Variants in LONP1 observed in about 807,000 individuals in gnomAD.
LONP1 encodes the protein lon protease homolog, mitochondrial.
In LONP1, 31 loss-of-function variants were observed where a neutral mutation model predicts 98.5. The ratio of observed to expected loss-of-function variants is 0.31; its 90% confidence interval spans 0.24 to 0.42. The LOEUF (loss-of-function observed/expected upper bound fraction) is 0.42, where lower values mean the gene tolerates loss of function less well. LONP1 is among the 20% of genes least tolerant of loss of function. The pLI is 1.00. For missense variants in LONP1, 1,336 were observed against 1,350.6 expected (o/e 0.99, Z 0.17); for synonymous variants, 781 against 594.7 (o/e 1.31, Z -4.56).
Position 5,720,137 on chromosome 19 carries a change from C to T in LONP1, c.-5G>A, listed in dbSNP as rs1406712681. The T allele has an allele frequency of 2.8e-6, 4 of 1,404,658 alleles. No homozygotes were observed. The highest frequency in any genetic ancestry group is 1.5e-5 in the South Asian group (1 of 65,510). 87.0% of individuals were successfully genotyped at this position (1,404,658 alleles called of 1,614,324 possible). On this transcript the variant is annotated 5_prime_UTR_variant, in exon 1 of 18. Coordinates refer to ENST00000360614, the MANE Select transcript of LONP1 (RefSeq NM_004793.4). ...GTAGCCAGTGCTCGCCGCCATAGCCCGGCCATACTGGCGGCTCACACAACT... is the reference window on the plus strand; with the variant it reads ...GTAGCCAGTGCTCGCCGCCATAGCCTGGCCATACTGGCGGCTCACACAACT...
Position 5,693,600 on chromosome 19 carries a change from G to T in LONP1, c.2490C>A (p.Pro830=), listed in dbSNP as rs772925690. 3 of 1,614,096 alleles carry T rather than the reference G, an allele frequency of 1.9e-6. No homozygotes were observed. The South Asian group carries it at 3.3e-5, about 18-fold the overall frequency. ...GTGAGGTCACCAGGTAGTCATTGGCGGGGGCGTGCTGCATGAGGAAGGCTC... is the reference window on the plus strand; with the variant it reads ...GTGAGGTCACCAGGTAGTCATTGGCTGGGGCGTGCTGCATGAGGAAGGCTC... The part of the protein sequence containing the change: ...FARAFLMQHA[P]ANDYLVTSHI... The change falls in exon 16 of 18, where the codon CCC becomes CCA. Residue 830 remains proline (P), a synonymous_variant. Coordinates refer to ENST00000360614, the MANE Select transcript of LONP1 (RefSeq NM_004793.4).
intron 1 of LONP1, among the ~76,000 whole-genome samples, chr19:5,718,836 T>C (rs2055370085): frequency 6.6e-6 from 1 of 152,040 alleles, no homozygotes; most frequent in African/African-American, 2.4e-5. Context: ...AGGCTCTTAG[T>C]CTGAAATGAT....
At chr19:5,706,894 G>A (rs906792381) in intron 7 of LONP1, among the ~76,000 whole-genome samples, 166 bp downstream of exon 7, 10 of 152,206 alleles carry the variant, frequency 6.6e-5, no homozygotes, top group Non-Finnish European at 1.5e-4. Flanking sequence ...CACAGCCCAG[G>A]ACGACAGAGC....
chr19:5,692,983 C>A (rs961859379), intron 17 of LONP1, among the ~76,000 whole-genome samples: 3 of 152,010 alleles, frequency 2.0e-5, no homozygotes, highest in Non-Finnish European at 4.4e-5. Context: ...ACCCCCGCCA[C>A]CAGTAATCCT....
Position 5,693,540 on chromosome 19 carries a change from T to C in LONP1, c.2538+12A>G, listed in dbSNP as rs2054869829. 1.9e-6 allele frequency: 3 copies of C among 1,613,708 alleles called. No individual in the cohort carries two copies. Among genetic ancestry groups the C allele is most frequent in the Admixed American group, 1.7e-5 (1 of 59,996 alleles). ...CTGGGCGGGAGCAGGTGGGAGCGGA[T>C]GGCGCGGTCACCTCGGGCACATGCA... is the stretch of plus-strand genomic sequence containing the variant. On this transcript the variant is annotated intron_variant, in intron 16 of 17. Transcript: ENST00000360614.
intron 1 of LONP1, among the ~76,000 whole-genome samples, chr19:5,716,879 C>T (rs1568329641): frequency 1.3e-5 from 2 of 152,126 alleles, no homozygotes; most frequent in African/African-American, 2.4e-5. Context: ...CTGCAAGCTC[C>T]GCCTCCTGGG....
At position 5,699,251 on chromosome 19, in the gene LONP1, G is replaced by A. The variant is rs779545150; in HGVS notation, c.1507-46C>T. ...AGTGGGCACGTGAGCTGGGGAAGCC[G>A]GGGACCCGCGCATGACTCTCGCCAC... On this transcript the variant is annotated intron_variant, in intron 9 of 17. Transcript: ENST00000360614. The A allele has an allele frequency of 2.6e-5, 38 of 1,440,824 alleles. No individual in the cohort carries two copies. In the Admixed American group the frequency reaches 3.9e-4, roughly 15 times the overall value. 89.3% of individuals were successfully genotyped at this position (1,440,824 alleles called of 1,614,324 possible).
intron 13 of LONP1, among the ~76,000 whole-genome samples, chr19:5,695,625 A>G (rs1295171332): frequency 2.6e-5 from 4 of 151,344 alleles, no homozygotes; most frequent in Admixed American, 2.6e-4. Flanking sequence ...ACCTTTGCAG[A>G]AAAAAAAACA....
intron 4 of LONP1, among the ~76,000 whole-genome samples, chr19:5,710,306 C>T (rs1376644927): frequency 2.0e-5 from 3 of 151,860 alleles, no homozygotes; most frequent in Admixed American, 6.6e-5. Context: ...TCAGGCTGGT[C>T]TCAAACTCCT....
chr19:5,692,873 C>A (rs1309540467), intron 17 of LONP1, among the ~76,000 whole-genome samples: 1 of 152,154 alleles, frequency 6.6e-6, no homozygotes, highest in Non-Finnish European at 1.5e-5. Flanking sequence ...GTGGTCCAGT[C>A]TGGGGACAGG....
At chr19:5,708,701 C>T (rs946211835) in intron 4 of LONP1, 1 of 350,092 alleles carries the variant, frequency 2.9e-6, no homozygotes, top group African/African-American at 2.1e-5. Flanking sequence ...ACTGTGTTTT[C>T]TTTCCTCCAT....
chr19:5,708,000 C>A (rs757132948), intron 5 of LONP1, 174 bp from the exon 6 acceptor site: 1 of 741,744 alleles, frequency 1.3e-6, no homozygotes, highest in Non-Finnish European at 2.1e-6. Context: ...CAGGGCCCAC[C>A]CGTCCTGGGC....
rs368483569 is a variant in LONP1, at chr19:5,696,783, G to A, written c.1686-26C>T. The A allele has an allele frequency of 2.1e-5, 33 of 1,555,280 alleles. No homozygotes were observed. The African/African-American group carries it at 2.6e-4, about 12-fold the overall frequency. ...CTGTGGGTGCACAGCGGGGTCAGAG[G>A]TCACTTGGTAGCCTGGCTCGGCCAC... On this transcript the variant is annotated intron_variant, in intron 10 of 17. Coordinates refer to ENST00000360614, the MANE Select transcript of LONP1 (RefSeq NM_004793.4).
rs774895212 is a variant in LONP1 at position 5,694,758 on chromosome 19, C to T, written c.2154+3G>A. On this transcript the variant is annotated splice_donor_region_variant and intron_variant, in intron 14 of 17. Transcript: ENST00000360614. ...GTGCCAGGAGGGCGGGCTGGCCGCT[C>T]ACCTTCTCCACTTGCTTCTGCAGGT... The T allele has an allele frequency of 1.3e-5, 21 of 1,587,340 alleles. 1 individual carries two copies. The highest frequency in any genetic ancestry group is 2.3e-5 in the East Asian group (1 of 44,088).
chr19:5,699,822 TG>T (rs1445783285), intron 9 of LONP1, among the ~76,000 whole-genome samples: 7 of 152,084 alleles, frequency 4.6e-5, no homozygotes, highest in Admixed American at 4.6e-4. Flanking sequence ...CCTCCCCAAG[TG>T]CTGGGATTAC....
intron 8 of LONP1, among the ~76,000 whole-genome samples, chr19:5,702,056 AC>A (rs1258334760): frequency 1.5e-5 from 2 of 135,518 alleles, no homozygotes; most frequent in African/African-American, 2.8e-5. Flanking sequence ...CCCAGCAGCC[AC>A]CCCGTCCGGG....
intron 8 of LONP1, among the ~76,000 whole-genome samples, chr19:5,703,534 T>C (rs2055094542): frequency 6.7e-6 from 1 of 150,256 alleles, no homozygotes; most frequent in Non-Finnish European, 1.5e-5. Context: ...CACGGCAGGA[T>C]TGGGGAAGAG....
chr19:5,713,476 C>A (rs987586265), intron 2 of LONP1, among the ~76,000 whole-genome samples: 1 of 152,208 alleles, frequency 6.6e-6, no homozygotes, highest in Non-Finnish European at 1.5e-5. Flanking sequence ...TGGCTCCTCG[C>A]TAAGTCAGCC....
chr19:5,697,066 C>T (rs1169927064), intron 10 of LONP1, among the ~76,000 whole-genome samples: 1 of 152,160 alleles, frequency 6.6e-6, no homozygotes, highest in African/African-American at 2.4e-5. Flanking sequence ...CCCCACTCCT[C>T]ACTGAGGGAC....
Sources: allele counts gnomAD v4.1 joint callset (sites outside exome capture counted in the v4.1 genomes callset), GRCh38; gene constraint gnomAD v4.1.1; transcripts MANE v1.5; gene names NCBI Gene and HGNC (gene_info 2026-07-23, HGNC 2026-07-21).